THEMIS: variants seen among roughly 807,000 people sequenced by gnomAD.
THEMIS encodes thymocyte selection associated.
THEMIS carries 37 observed loss-of-function variants against 52.6 expected under a neutral mutation model. That is an observed-to-expected ratio of 0.70 (90% CI 0.54 to 0.93). THEMIS has a LOEUF of 0.93. Among genes scored for constraint, THEMIS ranks in the 40% least tolerant of loss-of-function variants. THEMIS has a pLI of 0.00. For synonymous variants in THEMIS, 292 were observed against 272.7 expected, an observed-to-expected ratio of 1.07 and a Z score of -0.70; for missense variants, 808 against 763.1, an observed-to-expected ratio of 1.06 and a Z score of -0.69.
chr6:127,918,080 T>C (rs76952431), intron 1 of THEMIS, among the ~76,000 whole-genome samples: 2,114 of 152,292 alleles, frequency 0.014, 46 homozygotes, highest in African/African-American at 0.048. Flanking sequence ...TTGGAAGTCA[T>C]TCTTCTTTAG....
chr6:127,875,353 T>C (rs1259595178), intron 1 of THEMIS, among the ~76,000 whole-genome samples: 1 of 152,228 alleles, frequency 6.6e-6, no homozygotes, highest in African/African-American at 2.4e-5. Context: ...CAGAAGCATG[T>C]GCATACAAGG....
chr6:127,712,722 T>C (rs1774025443), intron 5 of THEMIS, among the ~76,000 whole-genome samples: 1 of 151,878 alleles, frequency 6.6e-6, no homozygotes, highest in African/African-American at 2.4e-5. Flanking sequence ...TTTTGCTTTT[T>C]GCTTTTCTTT....
At chr6:127,798,666 T>C (rs924760715) in intron 4 of THEMIS, among the ~76,000 whole-genome samples, 2 of 152,038 alleles carry the variant, frequency 1.3e-5, no homozygotes, top group African/African-American at 4.8e-5. Context: ...CAATAAATGG[T>C]TGTTTAAAAA....
chr6:127,904,749 A>T (rs535503386), upstream of THEMIS, among the ~76,000 whole-genome samples: 34 of 152,068 alleles, frequency 2.2e-4, no homozygotes, highest in Non-Finnish European at 4.4e-4. Flanking sequence ...ATTTTGATAA[A>T]CATGTTCAAA....
intron 2 of THEMIS, among the ~76,000 whole-genome samples, chr6:127,849,207 G>C (rs893137632): frequency 2.6e-5 from 4 of 151,826 alleles, no homozygotes; most frequent in Non-Finnish European, 5.9e-5. Flanking sequence ...TCTTGTTTTT[G>C]TCAGGTTTGT....
chr6:127,832,407 G>A (rs1583328297), intron 2 of THEMIS, among the ~76,000 whole-genome samples: 1 of 152,082 alleles, frequency 6.6e-6, no homozygotes, highest in South Asian at 2.1e-4. Context: ...ATATACTATT[G>A]CAGCCAATCC....
intron 3 of THEMIS, among the ~76,000 whole-genome samples, chr6:127,820,465 C>A (rs1778299624): frequency 6.6e-6 from 1 of 152,024 alleles, no homozygotes; most frequent in African/African-American, 2.4e-5. Context: ...AGCACAGGGA[C>A]TGGACAGGAG....
Position 127,709,949 on chromosome 6 carries a change from T to G in THEMIS, c.*36A>C, listed in dbSNP as rs759123604. On this transcript the variant is annotated 3_prime_UTR_variant, in exon 6 of 6. Coordinates refer to ENST00000368248, the MANE Select transcript of THEMIS (RefSeq NM_001010923.3). Reference sequence around the variant, plus strand: ...TAGCTTCTTTTTTCACTGCAACATTTATGTTTGCTGCCTAAGTGGCTTCTG... The same window carrying G: ...TAGCTTCTTTTTTCACTGCAACATTGATGTTTGCTGCCTAAGTGGCTTCTG... The G allele has an allele frequency of 3.8e-6, 6 of 1,574,764 alleles. No homozygotes were observed. The South Asian group carries it at 7.1e-5, about 19-fold the overall frequency.
intron 1 of THEMIS, among the ~76,000 whole-genome samples, chr6:127,907,732 A>T (rs1781311983): frequency 6.6e-6 from 1 of 152,078 alleles, no homozygotes; most frequent in Admixed American, 6.6e-5. Context: ...ACAAAATCAT[A>T]GTACACCCAC....
intron 4 of THEMIS, among the ~76,000 whole-genome samples, chr6:127,733,132 T>C (rs571495421): frequency 2.6e-5 from 4 of 152,368 alleles, no homozygotes; most frequent in African/African-American, 9.6e-5. Context: ...GTACTTATTG[T>C]GAAATACCTA....
At chr6:127,868,994 T>C (rs927699253) in intron 1 of THEMIS, among the ~76,000 whole-genome samples, 1 of 152,130 alleles carries the variant, frequency 6.6e-6, no homozygotes, top group African/African-American at 2.4e-5. Context: ...TAGAAGAAAA[T>C]ATATTAATCA....
In THEMIS at chr6:127,828,482, C is replaced by A. The variant is rs772470485; in HGVS notation, c.709+994G>T. ...TTAAATGGTGCACTGAAAACCAACA[C>A]CTATTAAGTTATTGACCCAGAGTTA... On this transcript the variant is annotated intron_variant, in intron 3 of 5. Transcript: ENST00000368248. Among the ~76,000 whole-genome samples the A allele has an allele frequency of 9.2e-4, 140 of 152,164 alleles. 3 individuals are homozygous for A. The highest frequency in any genetic ancestry group is 6.2e-4 in the South Asian group (3 of 4,818).
chr6:127,732,189 CTAA>C (rs1774837035), intron 4 of THEMIS, among the ~76,000 whole-genome samples: 1 of 151,784 alleles, frequency 6.6e-6, no homozygotes, highest in African/African-American at 2.4e-5. Flanking sequence ...TTCCCAGTGG[CTAA>C]TATCACATAA....
At chr6:127,742,635 A>G (rs1775248262) in intron 4 of THEMIS, among the ~76,000 whole-genome samples, 1 of 152,180 alleles carries the variant, frequency 6.6e-6, no homozygotes, top group African/African-American at 2.4e-5. Context: ...ATGAACCCTA[A>G]AGACATTATA....
chr6:127,875,272 G>T (rs1780280546), intron 1 of THEMIS, among the ~76,000 whole-genome samples: 2 of 152,072 alleles, frequency 1.3e-5, no homozygotes, highest in South Asian at 4.1e-4. Flanking sequence ...AGTTTATTTT[G>T]TTTAACTTAA....
intron 1 of THEMIS, among the ~76,000 whole-genome samples, chr6:127,895,809 A>C (rs556383582): frequency 7.3e-5 from 11 of 151,580 alleles, no homozygotes; most frequent in Admixed American, 2.6e-4. Flanking sequence ...GATAACACCA[A>C]AGTTACATAA....
At chr6:127,838,536 T>C (rs1408856335) in intron 2 of THEMIS, among the ~76,000 whole-genome samples, 1 of 152,080 alleles carries the variant, frequency 6.6e-6, no homozygotes, top group African/African-American at 2.4e-5. Context: ...TGACAGAAAG[T>C]TTCATTTTAT....
chr6:127,817,462 C>G (rs1778175721), intron 3 of THEMIS, among the ~76,000 whole-genome samples: 1 of 152,114 alleles, frequency 6.6e-6, no homozygotes, highest in South Asian at 2.1e-4. Context: ...GCAATAAATA[C>G]TTGTATTTAA....
At position 127,730,291 on chromosome 6, in the gene THEMIS, GAAAAGA is replaced by G. The variant is rs1774726311; in HGVS notation, c.1759-10474_1759-10469del. Reference sequence around the variant, plus strand: ...TCTATAGGAAATAAAGAAAAGAAAAGAAAAGAAAAGAAAAGAAAAGAAAAGAGAAAA... The same window carrying G: ...TCTATAGGAAATAAAGAAAAGAAAAGAAAGAAAAGAAAAGAAAAGAGAAAA... On this transcript the variant is annotated intron_variant, in intron 4 of 5. Transcript: ENST00000368248. Among the ~76,000 whole-genome samples the G allele has an allele frequency of 4.9e-5, 6 of 121,212 alleles. No homozygotes were observed. In the South Asian group the frequency reaches 1.6e-3, roughly 32 times the overall value. The allele number at this position is 121,212 out of a possible 152,430, so 79.5% of individuals were successfully genotyped here.
Sources: allele counts gnomAD v4.1 joint callset (sites outside exome capture counted in the v4.1 genomes callset), GRCh38; gene constraint gnomAD v4.1.1; transcripts MANE v1.5; gene names NCBI Gene and HGNC (gene_info 2026-07-23, HGNC 2026-07-21).